DNAAF11: variants seen among roughly 807,000 people sequenced by gnomAD.
The protein encoded by DNAAF11 is dynein axonemal assembly factor 11.
A neutral mutation model predicts 60.8 loss-of-function variants in DNAAF11; 45 were observed. The observed-to-expected ratio is 0.74, with a 90% CI of 0.58 to 0.95. The LOEUF (loss-of-function observed/expected upper bound fraction) is 0.95, where lower values mean the gene tolerates loss of function less well. DNAAF11 is among the 40% of genes least tolerant of loss of function. The pLI, the probability that DNAAF11 is intolerant of heterozygous loss-of-function variation, is 0.00. For missense variants in DNAAF11, 546 were observed against 546.2 expected, an observed-to-expected ratio of 1.00 and a Z score of 0.00; for synonymous variants, 191 against 183.5, an observed-to-expected ratio of 1.04 and a Z score of -0.33.
intron 10 of DNAAF11, among the ~76,000 whole-genome samples, chr8:132,602,720 T>C (rs542478660): frequency 1.3e-5 from 2 of 150,696 alleles, no homozygotes; most frequent in African/African-American, 4.9e-5. Flanking sequence ...TAGTTTATCT[T>C]TGCATACTGG....
At chr8:132,697,377 G>A in the DNAAF11 span, among the ~76,000 whole-genome samples, 1 of 152,162 alleles carries the variant, frequency 6.6e-6, no homozygotes, top group Admixed American at 6.6e-5. Context: ...CAGCACTTTG[G>A]GAGGCCGAGG....
chr8:132,657,387 A>C (rs576641884), intron 2 of DNAAF11, among the ~76,000 whole-genome samples: 26 of 152,274 alleles, frequency 1.7e-4, no homozygotes, highest in African/African-American at 6.3e-4. Context: ...AGGAATTACT[A>C]TCTCTATTGA....
chr8:132,633,647 T>C (rs1821022501), intron 4 of DNAAF11, among the ~76,000 whole-genome samples: 1 of 152,154 alleles, frequency 6.6e-6, no homozygotes. Context: ...AATGTTACCT[T>C]ACATGGCAAA....
upstream of DNAAF11, among the ~76,000 whole-genome samples, chr8:132,676,133 G>T (rs780116861): frequency 2.0e-5 from 3 of 152,064 alleles, no homozygotes; most frequent in East Asian, 5.8e-4. Flanking sequence ...CTCGTTTCCG[G>T]CTAACAAGCT....
the DNAAF11 span, among the ~76,000 whole-genome samples, chr8:132,696,317 A>G: frequency 6.6e-6 from 1 of 152,202 alleles, no homozygotes; most frequent in Admixed American, 6.5e-5. Flanking sequence ...GGATGTGGAG[A>G]AACTGGAACA....
At chr8:132,619,857 T>C (rs1352433307) in intron 7 of DNAAF11, among the ~76,000 whole-genome samples, 1 of 152,124 alleles carries the variant, frequency 6.6e-6, no homozygotes, top group Non-Finnish European at 1.5e-5. Context: ...GGAGTCAGGG[T>C]GCTTACACAG....
the DNAAF11 span, among the ~76,000 whole-genome samples, chr8:132,697,662 T>C: frequency 6.6e-6 from 1 of 151,004 alleles, no homozygotes. Context: ...AAGAAACTGA[T>C]GGGCCAGAGT....
chr8:132,617,503 G>C (rs911338850), intron 7 of DNAAF11, among the ~76,000 whole-genome samples: 2 of 152,186 alleles, frequency 1.3e-5, no homozygotes, highest in Non-Finnish European at 2.9e-5. Flanking sequence ...TGTATCCTGA[G>C]ACTTTGCTGA....
At chr8:132,606,291 T>C (rs1818124547) in intron 10 of DNAAF11, among the ~76,000 whole-genome samples, 1 of 152,164 alleles carries the variant, frequency 6.6e-6, no homozygotes, top group South Asian at 2.1e-4. Context: ...TATCATTATA[T>C]TAGAGTGGGC....
the DNAAF11 span, among the ~76,000 whole-genome samples, chr8:132,700,905 A>G: frequency 6.6e-5 from 10 of 152,224 alleles, no homozygotes; most frequent in Non-Finnish European, 8.8e-5. Flanking sequence ...CTGCCATGAC[A>G]GAATACCACA....
At chr8:132,621,097 C>G (rs955946571) in intron 7 of DNAAF11, among the ~76,000 whole-genome samples, 32 of 152,054 alleles carry the variant, frequency 2.1e-4, no homozygotes, top group African/African-American at 7.5e-4. Context: ...GAAGAAGGAG[C>G]AGGGGTGCTA....
chr8:132,602,684 A>G (rs1252885101), intron 10 of DNAAF11, among the ~76,000 whole-genome samples: 1 of 151,418 alleles, frequency 6.6e-6, no homozygotes, highest in Non-Finnish European at 1.5e-5. Flanking sequence ...TTTCTACTGA[A>G]TCCTACTCAT....
At chr8:132,636,059 A>C (rs1821265604) in intron 4 of DNAAF11, among the ~76,000 whole-genome samples, 1 of 151,766 alleles carries the variant, frequency 6.6e-6, no homozygotes, top group Non-Finnish European at 1.5e-5. Flanking sequence ...TCTGTTGTCT[A>C]AGCCATCTAG....
intron 10 of DNAAF11, among the ~76,000 whole-genome samples, chr8:132,585,183 G>A (rs192814733): frequency 2.3e-4 from 35 of 152,272 alleles, no homozygotes; most frequent in African/African-American, 8.4e-4. Flanking sequence ...TCAAGCTCGG[G>A]GAGGTTTGGG....
chr8:132,629,214 G>A (rs1219787388), intron 5 of DNAAF11, among the ~76,000 whole-genome samples: 1 of 152,124 alleles, frequency 6.6e-6, no homozygotes, highest in African/African-American at 2.4e-5. Flanking sequence ...TTCATCAACT[G>A]AGAATAGAAG....
In DNAAF11 at chr8:132,571,095, A is replaced by G. The variant is rs1379634706; in HGVS notation, c.*1211T>C. Among the ~76,000 whole-genome samples the G allele has an allele frequency of 6.6e-6, 1 of 152,152 alleles. No individual in the cohort carries two copies. The highest frequency in any genetic ancestry group is 1.5e-5 in the Non-Finnish European group (1 of 68,040). ...TTTTTCTAACTGATGCATTTTGGTT[A>G]TCTGCTAAACATTAGCAGAGTCTTC... On this transcript the variant is annotated 3_prime_UTR_variant, in exon 12 of 12. Coordinates refer to ENST00000620350, the MANE Select transcript of DNAAF11 (RefSeq NM_012472.6).
chr8:132,586,354 C>T (rs757059376), intron 10 of DNAAF11, among the ~76,000 whole-genome samples: 2 of 148,028 alleles, frequency 1.4e-5, no homozygotes. Context: ...CTACTAAGCA[C>T]TTGAAATGCG....
Position 132,644,217 on chromosome 8 carries a change from A to C in DNAAF11, c.257-6110T>G, listed in dbSNP as rs115976180. On this transcript the variant is annotated intron_variant, in intron 3 of 11. Coordinates refer to ENST00000620350, the MANE Select transcript of DNAAF11 (RefSeq NM_012472.6). ...CCATTGCTAGAATTTCATCTGGGGA[A>C]AAAAATGTCCCAGCCAAATATCTCA... is the stretch of plus-strand genomic sequence containing the variant. 4.5e-3 allele frequency among the ~76,000 whole-genome samples: 678 copies of C among 152,294 alleles called. 10 individuals are homozygous for C. Among genetic ancestry groups the C allele is most frequent in the African/African-American group, 0.016 (648 of 41,576 alleles).
At chr8:132,693,961 AG>A in the DNAAF11 span, among the ~76,000 whole-genome samples, 1 of 152,190 alleles carries the variant, frequency 6.6e-6, no homozygotes, top group African/African-American at 2.4e-5. Flanking sequence ...AGCAATTGGA[AG>A]ATTTGAGCAA....
Sources: gnomAD v4.1 joint callset for allele counts (sites outside exome capture counted in the v4.1 genomes callset) on GRCh38, gnomAD v4.1.1 for gene constraint, MANE v1.5 for transcripts, NCBI Gene and HGNC (gene_info 2026-07-23, HGNC 2026-07-21) for gene names.